DCC: variants seen among roughly 807,000 people sequenced by gnomAD.
DCC encodes DCC netrin 1 receptor, also known as netrin receptor DCC.
Under a neutral mutation model 172.5 loss-of-function variants are expected in DCC, and 58 were observed. The observed-to-expected ratio is 0.34, with a 90% CI of 0.27 to 0.42. The LOEUF (loss-of-function observed/expected upper bound fraction) is 0.42. Among genes scored for constraint, DCC ranks in the 10% least tolerant of loss-of-function variants. The probability of loss-of-function intolerance (pLI) is 1.00; values close to 1 mark genes in which losing one functional copy is unlikely to be tolerated. For synonymous variants in DCC, 709 were observed against 644.5 expected, an observed-to-expected ratio of 1.10 and a Z score of -1.52; for missense variants, 1,740 against 1,791.0, an observed-to-expected ratio of 0.97 and a Z score of 0.51.
rs771526090 is a variant in DCC, at chr18:53,404,402, GA to G, written c.2935+1522del. ...AGAAAGCTTAATTTTGCTTCTTCAG[GA>G]AAAAAAAAAAAATAGAAGTCTAGCC... is the stretch of plus-strand genomic sequence containing the variant. On this transcript the variant is annotated intron_variant, in intron 19 of 28. Transcript: ENST00000442544. 9.1e-3 allele frequency among the ~76,000 whole-genome samples: 771 copies of G among 84,966 alleles called. 4 individuals are homozygous for G. Among genetic ancestry groups the G allele is most frequent in the African/African-American group, 0.017 (536 of 30,856 alleles). 55.7% of individuals were successfully genotyped at this position (84,966 alleles called of 152,430 possible).
chr18:52,820,604 A>G (rs2038388202), intron 2 of DCC, among the ~76,000 whole-genome samples: 1 of 152,300 alleles, frequency 6.6e-6, no homozygotes, highest in African/African-American at 2.4e-5. Context: ...TGAAAAGGGC[A>G]GCAGTATGAT....
intron 2 of DCC, among the ~76,000 whole-genome samples, chr18:52,773,483 C>A (rs2037375458): frequency 1.4e-5 from 2 of 146,936 alleles, no homozygotes. Context: ...AAAATTAACC[C>A]CCCCAAATAT....
chr18:53,243,803 A>G (rs1268463374), intron 12 of DCC, among the ~76,000 whole-genome samples: 1 of 152,188 alleles, frequency 6.6e-6, no homozygotes, highest in Non-Finnish European at 1.5e-5. Context: ...TGACTCCCCG[A>G]TTCAGCTGAT....
chr18:52,418,997 A>G (rs1987151651), intron 1 of DCC, among the ~76,000 whole-genome samples: 1 of 150,896 alleles, frequency 6.6e-6, no homozygotes, highest in Non-Finnish European at 1.5e-5. Context: ...AGTAGCTGGG[A>G]TTACAGGTGC....
intron 6 of DCC, among the ~76,000 whole-genome samples, chr18:53,065,643 CCTTT>C (rs1239054117): frequency 6.6e-6 from 1 of 152,016 alleles, no homozygotes; most frequent in African/African-American, 2.4e-5. Flanking sequence ...GTATTTATAC[CCTTT>C]CTTTTTTTTC....
At chr18:53,400,062 G>A (rs17414993) in intron 18 of DCC, among the ~76,000 whole-genome samples, 64,450 of 151,834 alleles carry the variant, frequency 0.42, 15,455 homozygotes, top group Non-Finnish European at 0.55. Context: ...GTCTTTGAGC[G>A]AATTGTGGTC....
At chr18:53,329,151 CT>C (rs2057503213) in intron 14 of DCC, among the ~76,000 whole-genome samples, 1 of 152,108 alleles carries the variant, frequency 6.6e-6, no homozygotes, top group South Asian at 2.1e-4. Context: ...TATAAGCAAG[CT>C]TTCAAAATTG....
At position 53,498,295 on chromosome 18, in the gene DCC, G is replaced by A. The variant is rs569655589; in HGVS notation, c.3899-1003G>A. 5.3e-5 allele frequency among the ~76,000 whole-genome samples: 8 copies of A among 152,126 alleles called. No individual in the cohort carries two copies. In the South Asian group the frequency reaches 1.0e-3, roughly 20 times the overall value. On this transcript the variant is annotated intron_variant, in intron 26 of 28. Coordinates refer to ENST00000442544, the MANE Select transcript of DCC (RefSeq NM_005215.4). ...CACTAATTATCTTGAAATATTTCCT[G>A]GTTAAAAATTCTCTTTCAAAAGCAA...
chr18:52,713,933 G>A (rs1371369154), intron 1 of DCC, among the ~76,000 whole-genome samples: 1 of 152,138 alleles, frequency 6.6e-6, no homozygotes, highest in Non-Finnish European at 1.5e-5. Flanking sequence ...GAGTAAATAA[G>A]CAGGTCTTAT....
intron 2 of DCC, among the ~76,000 whole-genome samples, chr18:52,783,897 G>A (rs1759633526): frequency 6.6e-6 from 1 of 151,958 alleles, no homozygotes. Flanking sequence ...TCAAATTGGG[G>A]TATTTAGGAT....
rs376260272 is a variant in DCC at position 53,497,034 on chromosome 18, TAGAG to T, written c.3899-2260_3899-2257del. 3.3e-4 allele frequency among the ~76,000 whole-genome samples: 51 copies of T among 152,366 alleles called. 1 individual carries two copies. The highest frequency in any genetic ancestry group is 1.2e-3 in the African/African-American group (49 of 41,598). ...TGCATTAATTGCAATCCATATTCAATAGAGAGAATTATTTAAGGCAGATTTTTGA... is the reference window on the plus strand; with the variant it reads ...TGCATTAATTGCAATCCATATTCAATAGAATTATTTAAGGCAGATTTTTGA... On this transcript the variant is annotated intron_variant, in intron 26 of 28. Transcript: ENST00000442544.
At chr18:52,868,153 GCTT>G (rs1197577507) in intron 2 of DCC, among the ~76,000 whole-genome samples, 1 of 150,360 alleles carries the variant, frequency 6.7e-6, no homozygotes, top group African/African-American at 2.5e-5. Flanking sequence ...TTTAATTTAG[GCTT>G]CTTTTTAATT....
At chr18:53,073,350 C>T (rs926324004) in intron 7 of DCC, among the ~76,000 whole-genome samples, 5 of 152,062 alleles carry the variant, frequency 3.3e-5, no homozygotes, top group Admixed American at 2.0e-4. Flanking sequence ...ACGGTGAAAC[C>T]TCATCTCTAC....
In DCC at chr18:52,709,904, T is replaced by C. The variant is rs555600120; in HGVS notation, c.92-42150T>C. Among the ~76,000 whole-genome samples, 3 of 152,302 alleles carry C rather than the reference T, an allele frequency of 2.0e-5. No homozygotes were observed. The South Asian group carries it at 6.2e-4, about 32-fold the overall frequency. On this transcript the variant is annotated intron_variant, in intron 1 of 28. Coordinates refer to ENST00000442544, the MANE Select transcript of DCC (RefSeq NM_005215.4). Reference sequence around the variant, plus strand: ...AGATTTTTAATAGCAGTGAGATAGATTTTTTTAAACTGTTGGGATTACAGA... The same window carrying C: ...AGATTTTTAATAGCAGTGAGATAGACTTTTTTAAACTGTTGGGATTACAGA...
At chr18:53,300,540 G>C (rs891563126) in intron 12 of DCC, among the ~76,000 whole-genome samples, 11 of 152,094 alleles carry the variant, frequency 7.2e-5, no homozygotes, top group Non-Finnish European at 1.5e-4. Flanking sequence ...AAAGTTCAAA[G>C]TTAAAGAGTT....
chr18:53,186,255 CAT>C (rs1341664551), intron 9 of DCC, among the ~76,000 whole-genome samples: 1 of 152,116 alleles, frequency 6.6e-6, no homozygotes, highest in African/African-American at 2.4e-5. Context: ...AAGAAAGTGT[CAT>C]AATAATTATT....
rs367658627 is a variant in DCC, at chr18:53,507,323, G to GCAAA, written c.4111+7818_4111+7821dup. On this transcript the variant is annotated intron_variant, in intron 27 of 28. Coordinates refer to ENST00000442544, the MANE Select transcript of DCC (RefSeq NM_005215.4). Reference sequence around the variant, plus strand: ...TTATGAAAAATCTAACATACTGAAAGCAAACAAAAAGTCTCTGTCATATTA... The same window carrying GCAAA: ...TTATGAAAAATCTAACATACTGAAAGCAAACAAACAAAAAGTCTCTGTCATATTA... Among the ~76,000 whole-genome samples the GCAAA allele has an allele frequency of 2.0e-3, 309 of 152,242 alleles. 2 individuals carry two copies. Among genetic ancestry groups the GCAAA allele is most frequent in the African/African-American group, 7.2e-3 (300 of 41,564 alleles).
chr18:53,160,704 G>T (rs112653601), intron 8 of DCC, among the ~76,000 whole-genome samples: 1 of 152,030 alleles, frequency 6.6e-6, no homozygotes, highest in Non-Finnish European at 1.5e-5. Context: ...TCTCACATAC[G>T]CTCCTAATGA....
At chr18:52,488,973 T>C (rs2030364190) in intron 1 of DCC, among the ~76,000 whole-genome samples, 1 of 152,118 alleles carries the variant, frequency 6.6e-6, no homozygotes, top group Non-Finnish European at 1.5e-5. Context: ...CTCTTCACTC[T>C]TTTTCTTCAT....
Sources: gnomAD v4.1 joint callset for allele counts (sites outside exome capture counted in the v4.1 genomes callset) on GRCh38, gnomAD v4.1.1 for gene constraint, MANE v1.5 for transcripts, NCBI Gene and HGNC (gene_info 2026-07-23, HGNC 2026-07-21) for gene names.